TMC2: variants seen among roughly 807,000 people sequenced by gnomAD.
TMC2 encodes the protein transmembrane channel like 2, also known as transmembrane channel-like protein 2.
A neutral mutation model predicts 105.9 loss-of-function variants in TMC2; 102 were observed. That is an observed-to-expected ratio of 0.96 (90% CI 0.82 to 1.14). TMC2 has a LOEUF of 1.14. Among genes scored for constraint, TMC2 ranks in the 50% most tolerant of loss-of-function variants. TMC2 has a pLI of 0.00. For synonymous variants in TMC2, 402 were observed against 422.8 expected (o/e 0.95, Z 0.60); for missense variants, 1,093 against 1,134.3 (o/e 0.96, Z 0.52).
intron 4 of TMC2, 73 bp downstream of exon 4, chr20:2,562,083 T>C: frequency 6.6e-7 from 1 of 1,520,766 alleles, no homozygotes; most frequent in Non-Finnish European, 8.9e-7. Context: ...GAGCCCTCCC[T>C]CCACATTTCC....
At chr20:2,597,028 G>A in intron 9 of TMC2, 123 bp from the exon 10 acceptor site, 1 of 1,067,160 alleles carries the variant, frequency 9.4e-7, no homozygotes, top group Non-Finnish European at 1.3e-6. Context: ...GGCTTGTTTT[G>A]TCACTGAATG....
intron 7 of TMC2, among the ~76,000 whole-genome samples, chr20:2,591,956 C>A (rs575083010): frequency 1.3e-5 from 2 of 152,202 alleles, no homozygotes; most frequent in East Asian, 3.9e-4. Context: ...GGGTTCAAGA[C>A]CAGCCTGGCC....
intron 7 of TMC2, among the ~76,000 whole-genome samples, chr20:2,588,164 A>G (rs2086243781): frequency 6.6e-6 from 1 of 152,142 alleles, no homozygotes. Context: ...AAAACATGGG[A>G]AGGATTGAAC....
At chr20:2,600,986 GAAAAAAAA>G (rs55710696) in intron 10 of TMC2, among the ~76,000 whole-genome samples, 1 of 90,560 alleles carries the variant, frequency 1.1e-5, no homozygotes, top group Admixed American at 1.3e-4. Flanking sequence ...GACTGTCTCA[GAAAAAAAA>G]AAAAAAAAAA....
In TMC2 at chr20:2,635,734, C is replaced by T. The variant is rs117215967; in HGVS notation, c.2307-192C>T. On this transcript the variant is annotated intron_variant, in intron 17 of 19. Transcript: ENST00000358864. ...AGCTAGAGCTATGTAGTTATGCCCA[C>T]GCATAATAAAATAGAGAGGATGCAG... Among the ~76,000 whole-genome samples the T allele has an allele frequency of 5.2e-3, 787 of 152,274 alleles. 2 individuals carry two copies. Among genetic ancestry groups the T allele is most frequent in the Non-Finnish European group, 8.4e-3 (569 of 68,020 alleles).
In TMC2 at chr20:2,591,468, G is replaced by A. The variant is rs759654235; in HGVS notation, c.835-842G>A. 4.6e-5 allele frequency among the ~76,000 whole-genome samples: 7 copies of A among 152,166 alleles called. No individual in the cohort carries two copies. The East Asian group carries it at 5.8e-4, about 13-fold the overall frequency. ...GCCTGTAATCCCAGCACTTTGGGAG[G>A]CCAAGGTAGTAGGATCACTTGAGCC... On this transcript the variant is annotated intron_variant, in intron 7 of 19. Coordinates refer to ENST00000358864, the MANE Select transcript of TMC2 (RefSeq NM_080751.3).
At chr20:2,626,468 A>C (rs1175673377) in intron 17 of TMC2, among the ~76,000 whole-genome samples, 1 of 152,202 alleles carries the variant, frequency 6.6e-6, no homozygotes, top group East Asian at 1.9e-4. Flanking sequence ...GTGGATATAC[A>C]TGGCATCTTT....
chr20:2,541,928 A>G (rs1422236405), intron 2 of TMC2, among the ~76,000 whole-genome samples: 2 of 151,812 alleles, frequency 1.3e-5, no homozygotes, highest in Non-Finnish European at 2.9e-5. Context: ...TTTCCCCATT[A>G]GTAACTTACC....
intron 7 of TMC2, among the ~76,000 whole-genome samples, chr20:2,586,231 C>T (rs1402762298): frequency 6.6e-6 from 1 of 152,164 alleles, no homozygotes; most frequent in East Asian, 1.9e-4. Flanking sequence ...GAGTTCAGTT[C>T]TCTTTACCAT....
intron 11 of TMC2, among the ~76,000 whole-genome samples, chr20:2,609,564 G>A (rs16987561): frequency 0.26 from 38,880 of 152,076 alleles, 5,097 homozygotes; most frequent in African/African-American, 0.3. Context: ...AGATGTTTTA[G>A]GTTACAGATG....
intron 18 of TMC2, 58 bp downstream of exon 18, chr20:2,636,062 T>C (rs921161808): frequency 1.4e-5 from 21 of 1,481,128 alleles, no homozygotes; most frequent in African/African-American, 2.8e-5. Flanking sequence ...TTTTGGTTTT[T>C]GCTAATTTGC....
intron 19 of TMC2, among the ~76,000 whole-genome samples, chr20:2,639,680 T>C (rs1347530039): frequency 6.6e-6 from 1 of 152,168 alleles, no homozygotes; most frequent in Non-Finnish European, 1.5e-5. Context: ...CTGGAATATC[T>C]AGAATAATAG....
Position 2,641,174 on chromosome 20 carries a change from CAAG to C in TMC2, c.2548_2550del (p.Lys850del), listed in dbSNP as rs142900000. The C allele has an allele frequency of 0.011, 17,191 of 1,614,026 alleles. 240 individuals are homozygous for C. The highest frequency in any genetic ancestry group is 0.075 in the East Asian group (3,364 of 44,872). On this transcript the variant is annotated inframe_deletion, in exon 20 of 20. Coordinates refer to ENST00000358864, the MANE Select transcript of TMC2 (RefSeq NM_080751.3). ...CTGCCAGCCAAAGCCAGGCCATGGA[CAAG>C]AAGGCGCAGGGCCCTGGGACCTCCA...
At chr20:2,545,775 T>TGAA in intron 2 of TMC2, among the ~76,000 whole-genome samples, 1 of 109,302 alleles carries the variant, frequency 9.1e-6, no homozygotes, top group African/African-American at 3.6e-5. Context: ...AAGAAGAAGA[T>TGAA]GAAGAAGAAG....
At position 2,641,341 on chromosome 20, in the gene TMC2, C is replaced by A; in HGVS notation, c.2711C>A (p.Pro904His). 1 of 1,612,464 alleles carries A rather than the reference C, an allele frequency of 6.2e-7. No homozygotes were observed. Residue 904 changes from proline to histidine, a missense_variant, in exon 20 of 20, where the codon CCT (proline) becomes CAT (histidine). Coordinates refer to ENST00000358864, the MANE Select transcript of TMC2 (RefSeq NM_080751.3). Reference sequence around the variant, plus strand: ...GCCTCTGGAAAGAGTGCTCAGAGACCTCCCCACTGATGGCTAGGACTCCAG... The same window carrying A: ...GCCTCTGGAAAGAGTGCTCAGAGACATCCCCACTGATGGCTAGGACTCCAG... ...RSASGKSAQR[P>H]PH
chr20:2,617,416 G>C, intron 16 of TMC2, 105 bp downstream of exon 16: 1 of 1,461,110 alleles, frequency 6.8e-7, no homozygotes, highest in Non-Finnish European at 9.3e-7. Context: ...CCTGTAAAAG[G>C]CCATGGAACT....
intron 13 of TMC2, among the ~76,000 whole-genome samples, chr20:2,612,627 T>G (rs747663363): frequency 6.6e-6 from 1 of 152,214 alleles, no homozygotes; most frequent in Non-Finnish European, 1.5e-5. Context: ...CAGAGAAAGC[T>G]TTGTCCTTCA....
chr20:2,578,459 G>A (rs1437232550), intron 5 of TMC2, among the ~76,000 whole-genome samples: 1 of 152,198 alleles, frequency 6.6e-6, no homozygotes, highest in Non-Finnish European at 1.5e-5. Context: ...CACAATGTGG[G>A]GCTGGTGGAG....
intron 2 of TMC2, among the ~76,000 whole-genome samples, chr20:2,541,656 AAAAG>A (rs1180089671): frequency 1.3e-5 from 2 of 151,884 alleles, no homozygotes; most frequent in Admixed American, 6.5e-5. Flanking sequence ...CAAAAAAAAA[AAAAG>A]AAAGAAAGAA....
Sources: allele counts gnomAD v4.1 joint callset (sites outside exome capture counted in the v4.1 genomes callset), GRCh38; gene constraint gnomAD v4.1.1; transcripts MANE v1.5; gene names NCBI Gene and HGNC (gene_info 2026-07-23, HGNC 2026-07-21).